Variants in OR1J2 observed in about 807,000 individuals in gnomAD.
OR1J2 encodes the protein olfactory receptor family 1 subfamily J member 2, also known as olfactory receptor 1J2.
For synonymous variants in OR1J2, 142 were observed against 99.7 expected, an observed-to-expected ratio of 1.42 and a Z score of -2.52; for missense variants, 304 against 246.1, an observed-to-expected ratio of 1.24 and a Z score of -1.57.
chr9:122,535,080 T>A, the OR1J2 span, among the ~76,000 whole-genome samples: 2 of 151,168 alleles, frequency 1.3e-5, no homozygotes, highest in Non-Finnish European at 2.9e-5. Context: ...AGCTTGCCCA[T>A]AGTGAAGGAG....
At chr9:122,516,990 G>C in the OR1J2 span, among the ~76,000 whole-genome samples, 6 of 152,284 alleles carry the variant, frequency 3.9e-5, no homozygotes, top group Middle Eastern at 6.8e-3. Flanking sequence ...AGGAGACTCA[G>C]GAAATGGCAG....
At chr9:122,533,435 C>A in the OR1J2 span, among the ~76,000 whole-genome samples, 4 of 152,048 alleles carry the variant, frequency 2.6e-5, no homozygotes, top group Middle Eastern at 3.4e-3. Flanking sequence ...GTAAGTGGTG[C>A]ATGATCGGTT....
the OR1J2 span, chr9:122,554,050 T>C: frequency 6.2e-7 from 1 of 1,613,836 alleles, no homozygotes; most frequent in Non-Finnish European, 8.5e-7. Context: ...GCTGCTGTTC[T>C]CTATATGGTG....
chr9:122,511,717 A>G lies in OR1J2; in HGVS notation c.916A>G (p.Ser306Gly), dbSNP rs1211796913. 1.3e-6 allele frequency: 1 copy of G among 781,012 alleles called. No homozygotes were observed. Among genetic ancestry groups the G allele is most frequent in the Non-Finnish European group, 2.4e-6 (1 of 418,122 alleles). 48.4% of individuals were successfully genotyped at this position (781,012 alleles called of 1,614,324 possible). A position where few individuals can be genotyped will look rare whatever the true frequency, so the allele number is the denominator to read the frequency against. Residue 306 changes from serine to glycine, a missense_variant, in exon 1 of 1, where the codon AGT becomes GGT. By Grantham distance (56) the Ser-to-Gly change is moderately conservative. Transcript: ENST00000335302. ...DMKEALGKLF[S>G]RATFFSW ...GAAAGAGGCCCTTGGGAAACTCTTCAGTAGAGCAACATTTTTCTCTTGGTG... is the reference window on the plus strand; with the variant it reads ...GAAAGAGGCCCTTGGGAAACTCTTCGGTAGAGCAACATTTTTCTCTTGGTG...
chr9:122,471,628 A>G, the OR1J2 span, among the ~76,000 whole-genome samples: 6 of 152,222 alleles, frequency 3.9e-5, no homozygotes, highest in African/African-American at 7.2e-5. Context: ...TGCCCTAACC[A>G]TGATCAAAGT....
At chr9:122,504,722 G>C in the OR1J2 span, among the ~76,000 whole-genome samples, 4 of 151,978 alleles carry the variant, frequency 2.6e-5, no homozygotes, top group African/African-American at 9.7e-5. Context: ...ATTTCAATCT[G>C]TCCAAACCCA....
At chr9:122,468,593 G>A in the OR1J2 span, among the ~76,000 whole-genome samples, 1 of 151,878 alleles carries the variant, frequency 6.6e-6, no homozygotes, top group Non-Finnish European at 1.5e-5. Flanking sequence ...TAACCCAAAA[G>A]CATGGAGGTC....
At chr9:122,457,261 C>T in the OR1J2 span, among the ~76,000 whole-genome samples, 4 of 152,062 alleles carry the variant, frequency 2.6e-5, no homozygotes, top group East Asian at 1.9e-4. Flanking sequence ...AAACAGCTAA[C>T]GTACATGAGG....
At chr9:122,453,882 T>G in the OR1J2 span, among the ~76,000 whole-genome samples, 1 of 152,236 alleles carries the variant, frequency 6.6e-6, no homozygotes, top group Non-Finnish European at 1.5e-5. Flanking sequence ...AACAACATGA[T>G]GCAGAGCTGT....
At chr9:122,558,066 T>G in the OR1J2 span, among the ~76,000 whole-genome samples, 1 of 151,884 alleles carries the variant, frequency 6.6e-6, no homozygotes, top group East Asian at 1.9e-4. Flanking sequence ...TTTATTCATT[T>G]CTGATATTAG....
chr9:122,580,369 C>T, the OR1J2 span, among the ~76,000 whole-genome samples: 2 of 152,114 alleles, frequency 1.3e-5, no homozygotes, highest in Non-Finnish European at 2.9e-5. Flanking sequence ...CACTAGAATG[C>T]GGTCAGAATG....
the OR1J2 span, among the ~76,000 whole-genome samples, chr9:122,572,034 G>T: frequency 2.1e-3 from 319 of 152,310 alleles, 1 homozygote; most frequent in African/African-American, 7.1e-3. Flanking sequence ...CATGGTGGAA[G>T]GCAAAGCCGG....
chr9:122,467,467 G>A, the OR1J2 span, among the ~76,000 whole-genome samples: 1 of 152,076 alleles, frequency 6.6e-6, no homozygotes, highest in African/African-American at 2.4e-5. Flanking sequence ...CCCCAATTCT[G>A]TCATTTGTTA....
At chr9:122,478,918 C>T in the OR1J2 span, among the ~76,000 whole-genome samples, 3,313 of 151,998 alleles carry the variant, frequency 0.022, 130 homozygotes, top group African/African-American at 0.076. Context: ...TTAGTAGAGA[C>T]GGAGTTTCAC....
chr9:122,572,670 A>G, the OR1J2 span: 1 of 152,144 alleles, frequency 6.6e-6, no homozygotes, highest in East Asian at 1.9e-4. Context: ...TAAATGAGTC[A>G]GATGGTGGTT....
the OR1J2 span, chr9:122,478,057 T>C: frequency 7.7e-6 from 5 of 650,390 alleles, no homozygotes; most frequent in Admixed American, 1.7e-4. Flanking sequence ...TCATATTTTC[T>C]TACATTTGCC....
At chr9:122,543,512 A>G in the OR1J2 span, among the ~76,000 whole-genome samples, 2 of 152,126 alleles carry the variant, frequency 1.3e-5, no homozygotes, top group Admixed American at 6.6e-5. Context: ...CCAGATGCTC[A>G]TATTCTTGTT....
At chr9:122,545,565 C>T in the OR1J2 span, among the ~76,000 whole-genome samples, 1 of 152,064 alleles carries the variant, frequency 6.6e-6, no homozygotes, top group African/African-American at 2.4e-5. Context: ...TATTATGAAA[C>T]ATCTTCCTTT....
chr9:122,534,387 G>A, the OR1J2 span, among the ~76,000 whole-genome samples: 1 of 152,116 alleles, frequency 6.6e-6, no homozygotes, highest in Non-Finnish European at 1.5e-5. Flanking sequence ...TCTCAGTGTT[G>A]CAACCAAACG....
Sources: gnomAD v4.1 joint callset for allele counts (sites outside exome capture counted in the v4.1 genomes callset) on GRCh38, gnomAD v4.1.1 for gene constraint, MANE v1.5 for transcripts, NCBI Gene and HGNC (gene_info 2026-07-23, HGNC 2026-07-21) for gene names.